CACNA1S: variants seen among roughly 807,000 people sequenced by gnomAD.
The protein encoded by CACNA1S is calcium voltage-gated channel subunit alpha1 S.
Under a neutral mutation model 207.4 loss-of-function variants are expected in CACNA1S, and 126 were observed. That is an observed-to-expected ratio of 0.61 (90% confidence interval 0.53 to 0.70). The LOEUF (loss-of-function observed/expected upper bound fraction) is 0.70, where lower values mean the gene tolerates loss of function less well. CACNA1S is among the 30% of genes least tolerant of loss of function. The pLI is 0.00. For missense variants in CACNA1S, 2,349 were observed against 2,422.8 expected (o/e 0.97, Z 0.64); for synonymous variants, 960 against 932.7 (o/e 1.03, Z -0.53).
chr1:201,091,490 G>T, intron 5 of CACNA1S, 150 bp downstream of exon 5: 1 of 880,320 alleles, frequency 1.1e-6, no homozygotes, highest in Non-Finnish European at 1.9e-6. Flanking sequence ...CTTCCTCCAA[G>T]TCCCCCTTAT....
chr1:201,091,562 C>T, intron 5 of CACNA1S, 78 bp downstream of exon 5: 1 of 1,540,110 alleles, frequency 6.5e-7, no homozygotes, highest in Non-Finnish European at 9.0e-7. Flanking sequence ...CTCCGGGCTC[C>T]TTCACCAGGT....
chr1:201,052,681 CTAGAT>C (rs775619178), intron 31 of CACNA1S, 33 bp from the exon 32 acceptor site: 3 of 1,561,744 alleles, frequency 1.9e-6, no homozygotes, highest in East Asian at 2.2e-5. Context: ...ACTGTGGAAC[CTAGAT>C]TAAAGTGTCC....
At chr1:201,084,760 C>T (rs549031080) in intron 9 of CACNA1S, among the ~76,000 whole-genome samples, 190 bp downstream of exon 9, 1 of 152,320 alleles carries the variant, frequency 6.6e-6, no homozygotes, top group East Asian at 1.9e-4. Context: ...TCTGATCACA[C>T]ATTCCCCGAG....
At position 201,062,458 on chromosome 1, in the gene CACNA1S, G is replaced by T. The variant is rs1015286782; in HGVS notation, c.2906+4C>A. 3 of 1,612,662 alleles carry T rather than the reference G, an allele frequency of 1.9e-6. No individual in the cohort carries two copies. The African/African-American group carries it at 4.0e-5, about 22-fold the overall frequency. ...CGTCCCACTGTGCTCCCTGCCCCAT[G>T]TACCTGCACTCCTCCTCTGTCATCT... On this transcript the variant is annotated splice_donor_region_variant and intron_variant, in intron 23 of 43. Transcript: ENST00000362061.
chr1:201,102,993 C>T (rs912396828), intron 2 of CACNA1S, among the ~76,000 whole-genome samples: 2 of 152,078 alleles, frequency 1.3e-5, no homozygotes, highest in East Asian at 1.9e-4. Context: ...AGGTCAGACA[C>T]GAGGTTGTTG....
intron 2 of CACNA1S, among the ~76,000 whole-genome samples, chr1:201,097,610 G>T (rs1042420998): frequency 6.6e-6 from 1 of 152,294 alleles, no homozygotes; most frequent in Admixed American, 6.5e-5. Context: ...CTGACAGACC[G>T]CAGCTTCCTT....
rs756066219 is a variant in CACNA1S at position 201,043,468 on chromosome 1, C to A, written c.4861G>T (p.Val1621Phe). ...FLERTNSLPP[V>F]MANQRPLQFA... is the part of the protein sequence containing the mutation. ...TGGAGGGGTCTCTGATTGGCCATGA[C>A]GGGGGGCAGGGAGTTGGTCCTTTCC... Residue 1621 changes from valine (V) to phenylalanine (F), a missense_variant, in exon 40 of 44, where the codon GTC becomes TTC. Coordinates refer to ENST00000362061, the MANE Select transcript of CACNA1S (RefSeq NM_000069.3). 2.5e-6 allele frequency: 4 copies of A among 1,613,808 alleles called. No homozygotes were observed. Among genetic ancestry groups the A allele is most frequent in the East Asian group, 2.2e-5 (1 of 44,870 alleles).
Position 201,053,322 on chromosome 1 carries a change from G to A in CACNA1S, c.3796-48C>T, listed in dbSNP as rs1277373623. ...AGTCAGTGTCTTAGGGCTCCACTGT[G>A]TGTCTGCAGCCCTGCCCTCTGTTAG... On this transcript the variant is annotated intron_variant, in intron 30 of 43. Transcript: ENST00000362061. The surrounding 1 kb of genome is among the most constrained non-coding windows in gnomAD (Gnocchi z 5.1). 6 of 1,611,600 alleles carry A rather than the reference G, an allele frequency of 3.7e-6. No homozygotes were observed. In the South Asian group the frequency reaches 5.5e-5, roughly 15 times the overall value.
intron 2 of CACNA1S, among the ~76,000 whole-genome samples, chr1:201,105,533 A>G (rs968725391): frequency 5.9e-5 from 9 of 152,306 alleles, no homozygotes; most frequent in African/African-American, 1.7e-4. Context: ...TATAACCACC[A>G]TGCCATAATG....
intron 2 of CACNA1S, among the ~76,000 whole-genome samples, chr1:201,100,373 C>T (rs923148136): frequency 7.9e-5 from 12 of 152,218 alleles, no homozygotes; most frequent in African/African-American, 2.2e-4. Flanking sequence ...ATGGCCACGC[C>T]GCACACTGGG....
At chr1:201,085,112 G>A in intron 8 of CACNA1S, 81 bp from the exon 9 acceptor site, 2 of 977,082 alleles carry the variant, frequency 2.0e-6, no homozygotes, top group Non-Finnish European at 3.2e-6. Flanking sequence ...CCCGAGACAA[G>A]GGCCCATTGA....
chr1:201,110,052 G>A (rs533976402), intron 2 of CACNA1S, 112 bp downstream of exon 2: 39 of 983,254 alleles, frequency 4.0e-5, no homozygotes, highest in Admixed American at 3.5e-4. Flanking sequence ...GGCCTGCATC[G>A]TCAGGGAGTT....
chr1:201,063,487 C>T (rs1173698542), intron 22 of CACNA1S, among the ~76,000 whole-genome samples: 1 of 152,084 alleles, frequency 6.6e-6, no homozygotes, highest in African/African-American at 2.4e-5. Flanking sequence ...AGGGGTTTCA[C>T]CATGTTGGTC....
At chr1:201,098,787 C>A (rs1027776293) in intron 2 of CACNA1S, among the ~76,000 whole-genome samples, 1 of 152,256 alleles carries the variant, frequency 6.6e-6, no homozygotes, top group South Asian at 2.1e-4. Context: ...ACAGTGAGCC[C>A]GTCCAACTTC....
intron 2 of CACNA1S, among the ~76,000 whole-genome samples, chr1:201,098,223 A>T (rs1259402642): frequency 6.6e-6 from 1 of 152,258 alleles, no homozygotes; most frequent in Non-Finnish European, 1.5e-5. Flanking sequence ...TAAATGAACC[A>T]GTGTCCCGGG....
chr1:201,104,101 T>C (rs1319640356), intron 2 of CACNA1S, among the ~76,000 whole-genome samples: 4 of 152,266 alleles, frequency 2.6e-5, no homozygotes. Flanking sequence ...CATATCTTTG[T>C]AATATCATGT....
intron 19 of CACNA1S, 127 bp from the exon 20 acceptor site, chr1:201,067,120 A>G (rs374708972): frequency 5.5e-6 from 4 of 721,324 alleles, no homozygotes; most frequent in African/African-American, 3.5e-5. Context: ...AGAAATCTCT[A>G]TATTTCACTC....
rs779413482 is a variant in CACNA1S at position 201,085,597 on chromosome 1, G to A, written c.1005-16C>T. On this transcript the variant is annotated splice_polypyrimidine_tract_variant and intron_variant, in intron 7 of 43. Coordinates refer to ENST00000362061, the MANE Select transcript of CACNA1S (RefSeq NM_000069.3). ...GGTGAATTCCCTGAAATGAGATGGG[G>A]GAGCCAGGAGAGGAGGAGAAGAGGG... is the stretch of plus-strand genomic sequence containing the variant. 6.2e-7 allele frequency: 1 copy of A among 1,613,562 alleles called. No homozygotes were observed. The highest frequency in any genetic ancestry group is 8.5e-7 in the Non-Finnish European group (1 of 1,179,726).
intron 10 of CACNA1S, among the ~76,000 whole-genome samples, chr1:201,081,904 C>T (rs6664806): frequency 0.31 from 46,951 of 152,082 alleles, 8,435 homozygotes; most frequent in Non-Finnish European, 0.42. Context: ...CCTTCCATCA[C>T]GATTGTAGGC....
Sources: allele counts gnomAD v4.1 joint callset (sites outside exome capture counted in the v4.1 genomes callset), GRCh38; gene constraint gnomAD v4.1.1; non-coding constraint Gnocchi (gnomAD v3.1); transcripts MANE v1.5; gene names NCBI Gene and HGNC (gene_info 2026-07-23, HGNC 2026-07-21).